ANK3: variants seen among roughly 807,000 people sequenced by gnomAD.
ANK3 encodes ankyrin 3.
ANK3 carries 57 observed loss-of-function variants against 370.9 expected under a neutral mutation model. The observed-to-expected ratio is 0.15, with a 90% CI of 0.12 to 0.19. The LOEUF is 0.19. Ranked by LOEUF, ANK3 falls within the 10% of genes least tolerant of loss-of-function variation. The pLI, the probability that ANK3 is intolerant of heterozygous loss-of-function variation, is 1.00. For missense variants in ANK3, 4,439 were observed against 5,302.1 expected (o/e 0.84, Z 5.06); for synonymous variants, 1,929 against 1,946.3 (o/e 0.99, Z 0.23).
At chr10:60,452,394 G>C (rs1267250860) in intron 2 of ANK3, among the ~76,000 whole-genome samples, 1 of 152,190 alleles carries the variant, frequency 6.6e-6, no homozygotes, top group African/African-American at 2.4e-5. Flanking sequence ...GTTCTAGCAG[G>C]AGGCAAGAAT....
chr10:60,430,671 A>G (rs367592410), intron 2 of ANK3, among the ~76,000 whole-genome samples: 2 of 152,160 alleles, frequency 1.3e-5, no homozygotes, highest in East Asian at 1.9e-4. Context: ...GAATTTTTTT[A>G]TTAGCATAAA....
intron 1 of ANK3, among the ~76,000 whole-genome samples, chr10:60,347,058 T>G (rs200460040): frequency 0.24 from 26,942 of 110,402 alleles, 2,956 homozygotes; most frequent in South Asian, 0.36. Flanking sequence ...ATATATGATA[T>G]ATATATATAT....
intron 1 of ANK3, among the ~76,000 whole-genome samples, chr10:60,335,239 A>G (rs1225181128): frequency 2.0e-5 from 3 of 152,154 alleles, no homozygotes; most frequent in Non-Finnish European, 2.9e-5. Flanking sequence ...AGCGAGGGTT[A>G]CTAATAAGAA....
chr10:60,204,829 G>A (rs2096736626), intron 11 of ANK3, among the ~76,000 whole-genome samples: 1 of 152,108 alleles, frequency 6.6e-6, no homozygotes. Context: ...ATGAGGTGAT[G>A]GTTCCTAGAA....
intron 2 of ANK3, among the ~76,000 whole-genome samples, chr10:60,580,449 C>A (rs922895378): frequency 7.9e-5 from 12 of 152,124 alleles, no homozygotes; most frequent in Non-Finnish European, 1.5e-4. Context: ...TAAACATATT[C>A]AAATTTTGCC....
At chr10:60,663,328 C>T (rs560182989) in intron 1 of ANK3, among the ~76,000 whole-genome samples, 25 of 152,320 alleles carry the variant, frequency 1.6e-4, no homozygotes, top group Admixed American at 1.3e-3. Flanking sequence ...CTTGTTGAAG[C>T]TACTGGCTAA....
At chr10:60,186,688 T>A in intron 17 of ANK3, 27 bp downstream of exon 17, 1 of 1,612,042 alleles carries the variant, frequency 6.2e-7, no homozygotes, top group South Asian at 1.1e-5. Flanking sequence ...GTGTGCTGCA[T>A]GCTTTGTCAA....
rs1589555190 is a variant in ANK3 at position 60,071,070 on chromosome 10, G to A, written c.9811C>T (p.His3271Tyr). Residue 3271 changes from histidine to tyrosine, a missense_variant, in exon 37 of 44, where the codon CAT (histidine) becomes TAT (tyrosine). Around this residue, in one of 13 missense-constraint regions of ANK3, gnomAD observed 1,601 missense variants for 1,731.7 expected, o/e 0.92. Coordinates refer to ENST00000280772, the MANE Select transcript of ANK3 (RefSeq NM_020987.5). ...DADQIESDKK[H>Y]HYLPEKEVDM... is the part of the protein sequence containing the mutation. ...ACCTCTTTTTCTGGGAGATAATGAT[G>A]CTTCTTATCTGACTCAATCTGGTCC... The A allele has an allele frequency of 1.2e-6, 2 of 1,613,978 alleles. No homozygotes were observed. The highest frequency in any genetic ancestry group is 2.2e-5 in the East Asian group (1 of 44,888).
intron 23 of ANK3, among the ~76,000 whole-genome samples, chr10:60,153,088 G>T (rs570639768): frequency 6.6e-6 from 1 of 152,238 alleles, no homozygotes; most frequent in South Asian, 2.1e-4. Context: ...ACAGTAGAGT[G>T]GATAACTCAG....
At chr10:60,631,488 C>A (rs1286817758) in intron 1 of ANK3, among the ~76,000 whole-genome samples, 1 of 152,054 alleles carries the variant, frequency 6.6e-6, no homozygotes, top group Non-Finnish European at 1.5e-5. Context: ...TCCAAGATTG[C>A]ACCACTGTAC....
intron 2 of ANK3, among the ~76,000 whole-genome samples, chr10:60,472,524 G>A (rs1025622884): frequency 1.3e-5 from 2 of 152,140 alleles, no homozygotes; most frequent in Admixed American, 6.6e-5. Flanking sequence ...GAATAGAGTT[G>A]GGTTTTTGTT....
At chr10:60,270,924 A>G (rs1195939996) in intron 4 of ANK3, among the ~76,000 whole-genome samples, 1 of 152,104 alleles carries the variant, frequency 6.6e-6, no homozygotes, top group African/African-American at 2.4e-5. Flanking sequence ...ACATATATGG[A>G]TACATATTAC....
In ANK3 at chr10:60,070,155, G is replaced by A. The variant is rs776682023; in HGVS notation, c.10726C>T (p.Pro3576Ser). 6.2e-7 allele frequency: 1 copy of A among 1,614,098 alleles called. No individual in the cohort carries two copies. Among genetic ancestry groups the A allele is most frequent in the South Asian group, 1.1e-5 (1 of 91,084 alleles). ...GGCGTTGTATCAGGGGTTGTTGCTG[G>A]AGAGCGGTCTTCTACCGCCAGCCCA... ...PFGLAVEDRS[P>S]ATTPDTTPAR... Residue 3576 changes from proline to serine, a missense_variant, in exon 37 of 44, where the codon CCA becomes TCA. Physicochemically the swap from Pro to Ser is moderately conservative, Grantham distance 74 (BLOSUM62 -1). Coordinates refer to ENST00000280772, the MANE Select transcript of ANK3 (RefSeq NM_020987.5). This position sits in a 1 kb window ranked among gnomAD's most constrained non-coding sequence, Gnocchi z 5.7.
chr10:60,141,606 C>A (rs1390141113), intron 23 of ANK3, among the ~76,000 whole-genome samples: 4 of 140,128 alleles, frequency 2.9e-5, no homozygotes, highest in Non-Finnish European at 6.0e-5. Flanking sequence ...CAGCCCCCAC[C>A]GCCCCCGAGA....
intron 1 of ANK3, among the ~76,000 whole-genome samples, chr10:60,732,376 G>A (rs998083971): frequency 1.3e-5 from 2 of 152,200 alleles, no homozygotes; most frequent in African/African-American, 4.8e-5. Flanking sequence ...ACACACCGTG[G>A]CAGCACCAAA....
intron 7 of ANK3, among the ~76,000 whole-genome samples, chr10:60,235,550 G>GTTTTTTTTTTTTTTTTTTTTTTTT (rs72388493): frequency 5.2e-5 from 6 of 115,054 alleles, no homozygotes; most frequent in African/African-American, 1.0e-4. Context: ...CTGATTTCTT[G>GTTTTTTTTTTTTTTTTTTTTTTTT]TTTTTTTTTT....
At chr10:60,059,946 G>T in intron 40 of ANK3, 1 of 1,613,832 alleles carries the variant, frequency 6.2e-7, no homozygotes, top group Non-Finnish European at 8.5e-7. Context: ...CTGGAAAGGG[G>T]TAGGTGGTGT....
chr10:60,563,605 C>T lies in ANK3; in HGVS notation c.96+51581G>A, dbSNP rs1483115687. 4.6e-5 allele frequency among the ~76,000 whole-genome samples: 7 copies of T among 152,132 alleles called. No individual in the cohort carries two copies. In the East Asian group the frequency reaches 1.3e-3, roughly 29 times the overall value. ...TGAATAAAGACTATAAATAGCTTCACGTAGGTCAGATCAGGTTTTGCTACC... is the reference window on the plus strand; with the variant it reads ...TGAATAAAGACTATAAATAGCTTCATGTAGGTCAGATCAGGTTTTGCTACC... On this transcript the variant is annotated intron_variant, in intron 2 of 43. Transcript: ENST00000373827.
intron 2 of ANK3, among the ~76,000 whole-genome samples, chr10:60,424,186 C>T (rs1258190876): frequency 6.6e-6 from 1 of 151,916 alleles, no homozygotes; most frequent in African/African-American, 2.4e-5. Flanking sequence ...CTGGTTTTGG[C>T]CAGCACAGCT....
Sources: gnomAD v4.1 joint callset for allele counts (sites outside exome capture counted in the v4.1 genomes callset) on GRCh38, gnomAD v4.1.1 for gene constraint, gnomAD v4.1.1 regional missense constraint, Gnocchi (gnomAD v3.1) non-coding constraint, MANE v1.5 for transcripts, NCBI Gene and HGNC (gene_info 2026-07-23, HGNC 2026-07-21) for gene names.